RAD51B: variants seen among roughly 807,000 people sequenced by gnomAD.
RAD51B encodes the protein DNA repair protein RAD51 homolog 2.
In RAD51B, 38 loss-of-function variants were observed where a neutral mutation model predicts 42.2. The ratio of observed to expected loss-of-function variants is 0.90; its 90% CI spans 0.70 to 1.18. The LOEUF (loss-of-function observed/expected upper bound fraction) is 1.18, where lower values mean the gene tolerates loss of function less well. RAD51B is among the 50% of genes most tolerant of loss of function. RAD51B has a pLI of 0.00. For missense variants in RAD51B, 373 were observed against 400.7 expected (o/e 0.93, Z 0.59); for synonymous variants, 154 against 145.2 (o/e 1.06, Z -0.43).
chr14:68,072,078 AAT>A (rs2076755324), intron 7 of RAD51B, among the ~76,000 whole-genome samples: 2 of 96,632 alleles, frequency 2.1e-5, no homozygotes, highest in Admixed American at 1.0e-4. Flanking sequence ...TAAATATATA[AAT>A]ATATATAAAT....
chr14:68,538,928 C>A (rs910794337), intron 10 of RAD51B, among the ~76,000 whole-genome samples: 2 of 152,212 alleles, frequency 1.3e-5, no homozygotes, highest in East Asian at 3.8e-4. Flanking sequence ...TGATTTACAT[C>A]CTTCTTTAGA....
chr14:68,545,671 G>C (rs1271131781), intron 10 of RAD51B: 1 of 454,388 alleles, frequency 2.2e-6, no homozygotes, highest in East Asian at 7.0e-5. Flanking sequence ...TCCATCATTC[G>C]CTTGTCCACA....
At chr14:68,149,349 A>G (rs187823043) in intron 7 of RAD51B, among the ~76,000 whole-genome samples, 2 of 152,220 alleles carry the variant, frequency 1.3e-5, no homozygotes, top group East Asian at 3.9e-4. Flanking sequence ...ATTTACTTCT[A>G]TGATCCACTT....
chr14:68,657,226 G>A (rs989259094), intron 11 of RAD51B, among the ~76,000 whole-genome samples: 2 of 152,058 alleles, frequency 1.3e-5, no homozygotes, highest in Non-Finnish European at 2.9e-5. Context: ...GCGGTGGGGG[G>A]AATGCTGAGG....
intron 7 of RAD51B, among the ~76,000 whole-genome samples, chr14:68,048,155 C>T (rs1303227218): frequency 2.0e-5 from 3 of 152,160 alleles, no homozygotes; most frequent in Admixed American, 6.5e-5. Flanking sequence ...AGGTTAAGAT[C>T]GGCCCGCCTA....
chr14:67,842,299 C>T (rs568953412), intron 4 of RAD51B, among the ~76,000 whole-genome samples: 1 of 152,100 alleles, frequency 6.6e-6, no homozygotes, highest in Admixed American at 6.6e-5. Context: ...GAGCAGCAGT[C>T]TTTAGGGTTT....
intron 7 of RAD51B, among the ~76,000 whole-genome samples, chr14:68,121,668 TA>T (rs1310692677): frequency 4.0e-5 from 6 of 151,420 alleles, no homozygotes; most frequent in East Asian, 1.9e-4. Context: ...AAATTAGAAA[TA>T]AAAAAAACTA....
chr14:68,341,505 CA>C (rs2082571687), intron 8 of RAD51B, among the ~76,000 whole-genome samples: 1 of 152,036 alleles, frequency 6.6e-6, no homozygotes, highest in African/African-American at 2.4e-5. Context: ...GTGACAGATC[CA>C]GTGGAATTTA....
intron 7 of RAD51B, among the ~76,000 whole-genome samples, chr14:68,260,803 A>G (rs192459554): frequency 2.0e-5 from 3 of 152,314 alleles, no homozygotes; most frequent in East Asian, 1.9e-4. Flanking sequence ...TCTGCACTCT[A>G]TCATGCTATA....
chr14:67,864,187 G>A (rs2042251593), intron 4 of RAD51B, among the ~76,000 whole-genome samples: 1 of 152,058 alleles, frequency 6.6e-6, no homozygotes, highest in African/African-American at 2.4e-5. Flanking sequence ...CCAGTACTGG[G>A]GATTACAATT....
At chr14:68,549,409 A>ATTTTTTTTTT (rs71129897) in intron 10 of RAD51B, among the ~76,000 whole-genome samples, 76 of 63,574 alleles carry the variant, frequency 1.2e-3, no homozygotes, top group African/African-American at 2.5e-3. Context: ...CCCTGGACAC[A>ATTTTTTTTTT]TTTTTTTTTT....
intron 7 of RAD51B, among the ~76,000 whole-genome samples, chr14:68,207,345 C>G (rs904711018): frequency 6.6e-6 from 1 of 152,192 alleles, no homozygotes; most frequent in Non-Finnish European, 1.5e-5. Flanking sequence ...AGGTTTCTTA[C>G]TTGCCCAATT....
intron 8 of RAD51B, among the ~76,000 whole-genome samples, chr14:68,311,791 G>A (rs867736824): frequency 3.9e-5 from 6 of 152,318 alleles, no homozygotes; most frequent in Middle Eastern, 3.4e-3. Flanking sequence ...GGAGGCTGAG[G>A]CAGGAGAATT....
chr14:68,269,576 C>T (rs1186034723), intron 7 of RAD51B, among the ~76,000 whole-genome samples: 2 of 152,198 alleles, frequency 1.3e-5, no homozygotes, highest in Non-Finnish European at 2.9e-5. Flanking sequence ...AGTATCTACA[C>T]CCGATATTTT....
At chr14:68,113,288 C>G (rs187392908) in intron 7 of RAD51B, among the ~76,000 whole-genome samples, 1 of 152,038 alleles carries the variant, frequency 6.6e-6, no homozygotes, top group Admixed American at 6.6e-5. Context: ...TTTTACCCAT[C>G]GAAGAAAACA....
intron 7 of RAD51B, among the ~76,000 whole-genome samples, chr14:67,894,420 C>A (rs2043338682): frequency 6.6e-6 from 1 of 152,164 alleles, no homozygotes; most frequent in Non-Finnish European, 1.5e-5. Context: ...ATCTCAGACT[C>A]TTTTTGTCTT....
intron 10 of RAD51B, among the ~76,000 whole-genome samples, chr14:68,573,629 A>C (rs987452551): frequency 1.3e-5 from 2 of 152,206 alleles, no homozygotes; most frequent in African/African-American, 4.8e-5. Flanking sequence ...ACGGGGAATA[A>C]AGCTTCAGGA....
At chr14:68,195,373 A>G (rs1460489898) in intron 7 of RAD51B, among the ~76,000 whole-genome samples, 2 of 151,078 alleles carry the variant, frequency 1.3e-5, no homozygotes, top group African/African-American at 4.8e-5. Flanking sequence ...AAATCTGTCA[A>G]CATATTTACC....
intron 7 of RAD51B, among the ~76,000 whole-genome samples, chr14:67,942,672 G>A (rs548323875): frequency 2.6e-5 from 4 of 152,264 alleles, no homozygotes; most frequent in African/African-American, 7.2e-5. Context: ...ACGTCAATAC[G>A]TTGAAGTTAC....
Sources: allele counts gnomAD v4.1 joint callset (sites outside exome capture counted in the v4.1 genomes callset), GRCh38; gene constraint gnomAD v4.1.1; transcripts MANE v1.5; gene names NCBI Gene and HGNC (gene_info 2026-07-23, HGNC 2026-07-21).